The following PITPNC1 variants were observed in gnomAD, a reference collection of about 807,000 sequenced individuals.
PITPNC1 encodes phosphatidylinositol transfer protein cytoplasmic 1, also known as cytoplasmic phosphatidylinositol transfer protein 1.
In PITPNC1, 18 loss-of-function variants were observed where a neutral mutation model predicts 44.7. That is an observed-to-expected ratio of 0.40 (90% confidence interval 0.28 to 0.60). The LOEUF is 0.60. Ranked by LOEUF, PITPNC1 falls within the 20% of genes least tolerant of loss-of-function variation. The pLI is 0.39. For missense variants in PITPNC1, 290 were observed against 418.4 expected (o/e 0.69, Z 2.68); for synonymous variants, 141 against 149.6 (o/e 0.94, Z 0.42).
At chr17:67,572,018 A>ATATGC (rs759118497) in intron 4 of PITPNC1, among the ~76,000 whole-genome samples, 1 of 152,216 alleles carries the variant, frequency 6.6e-6, no homozygotes, top group Non-Finnish European at 1.5e-5. Context: ...TCTTTCCTTC[A>ATATGC]TATGCTGTGG....
chr17:67,513,247 C>T (rs1198422079), intron 1 of PITPNC1, among the ~76,000 whole-genome samples: 1 of 151,568 alleles, frequency 6.6e-6, no homozygotes, highest in East Asian at 1.9e-4. Flanking sequence ...GACTGTAATC[C>T]CAGCTACTCG....
chr17:67,378,149 A>T lies in PITPNC1; in HGVS notation c.-6A>T, dbSNP rs534235557. On this transcript the variant is annotated 5_prime_UTR_variant, in exon 1 of 9. Coordinates refer to ENST00000581322, the MANE Select transcript of PITPNC1 (RefSeq NM_012417.4). Reference sequence around the variant, plus strand: ...CCCGCCCCGGGGGTCCGCGGCCGGCAGGACCATGCTGCTGAAAGAGTACCG... The same window carrying T: ...CCCGCCCCGGGGGTCCGCGGCCGGCTGGACCATGCTGCTGAAAGAGTACCG... 1,019 of 1,537,122 alleles carry T rather than the reference A, an allele frequency of 6.6e-4. 3 individuals are homozygous for T. The highest frequency in any genetic ancestry group is 7.9e-4 in the Admixed American group (39 of 49,670).
In PITPNC1 at chr17:67,548,289, C is replaced by A. The variant is rs867681944; in HGVS notation, c.198-3968C>A. 7.9e-5 allele frequency among the ~76,000 whole-genome samples: 12 copies of A among 152,276 alleles called. No individual in the cohort carries two copies. The South Asian group carries it at 2.3e-3, about 29-fold the overall frequency. On this transcript the variant is annotated intron_variant, in intron 2 of 8. Coordinates refer to ENST00000581322, the MANE Select transcript of PITPNC1 (RefSeq NM_012417.4). ...ATTGATATGTTCTATTTTATACCAA[C>A]GTTTAAAAGTAAGAACCCGGGCTGG... is the stretch of plus-strand genomic sequence containing the variant.
intron 1 of PITPNC1, among the ~76,000 whole-genome samples, chr17:67,403,747 C>T (rs144587875): frequency 6.6e-6 from 1 of 152,090 alleles, no homozygotes; most frequent in Non-Finnish European, 1.5e-5. Context: ...CTTGGACTGG[C>T]GTTATGTCTC....
intron 6 of PITPNC1, among the ~76,000 whole-genome samples, chr17:67,650,574 G>T (rs1037005018): frequency 6.7e-6 from 1 of 148,266 alleles, no homozygotes; most frequent in Non-Finnish European, 1.5e-5. Flanking sequence ...TCAGCCTCCT[G>T]AGTAGCTGGG....
intron 5 of PITPNC1, among the ~76,000 whole-genome samples, chr17:67,625,785 C>T (rs2041888562): frequency 6.6e-6 from 1 of 152,088 alleles, no homozygotes; most frequent in East Asian, 1.9e-4. Flanking sequence ...ACACCACAGG[C>T]TTTTTAACTG....
At chr17:67,420,837 C>G (rs911274460) in intron 1 of PITPNC1, among the ~76,000 whole-genome samples, 1 of 152,200 alleles carries the variant, frequency 6.6e-6, no homozygotes, top group East Asian at 1.9e-4. Flanking sequence ...GACTTACTTT[C>G]CAGTGTTTCT....
chr17:67,542,308 A>G (rs1224795612), intron 2 of PITPNC1, among the ~76,000 whole-genome samples: 1 of 152,182 alleles, frequency 6.6e-6, no homozygotes, highest in Non-Finnish European at 1.5e-5. Flanking sequence ...AAAGAAAAAA[A>G]TTGACAGAAT....
At chr17:67,677,994 C>G (rs2144421729) in intron 8 of PITPNC1, among the ~76,000 whole-genome samples, 2 of 152,078 alleles carry the variant, frequency 1.3e-5, no homozygotes, top group East Asian at 3.9e-4. Context: ...TGGAGGATCA[C>G]TTGAGCCCAG....
At chr17:67,513,287 C>G (rs1232046071) in intron 1 of PITPNC1, among the ~76,000 whole-genome samples, 3 of 151,448 alleles carry the variant, frequency 2.0e-5, no homozygotes, top group Admixed American at 6.6e-5. Context: ...TAGCTTGAAC[C>G]CAGGAGGCAA....
intron 1 of PITPNC1, among the ~76,000 whole-genome samples, chr17:67,476,395 C>T (rs1462923058): frequency 2.0e-5 from 3 of 152,070 alleles, no homozygotes; most frequent in African/African-American, 7.2e-5. Flanking sequence ...CCATGTTGGC[C>T]AGGCTGGTCT....
At chr17:67,692,490 T>C in intron 8 of PITPNC1, 82 bp from the exon 9 acceptor site, 1 of 963,284 alleles carries the variant, frequency 1.0e-6, no homozygotes, top group South Asian at 1.5e-5. Flanking sequence ...CCATAGTTCC[T>C]GTAAAAACAA....
At chr17:67,583,711 T>C (rs2041266897) in intron 5 of PITPNC1, among the ~76,000 whole-genome samples, 1 of 151,252 alleles carries the variant, frequency 6.6e-6, no homozygotes, top group Admixed American at 6.6e-5. Context: ...TTTTTTTTTT[T>C]TGAGATGGAG....
intron 7 of PITPNC1, among the ~76,000 whole-genome samples, chr17:67,674,516 A>T (rs1268917799): frequency 2.6e-5 from 4 of 151,362 alleles, no homozygotes; most frequent in African/African-American, 9.7e-5. Context: ...AAAAAAAAAA[A>T]TCAGTATTTA....
chr17:67,399,311 C>A (rs1036841151), intron 1 of PITPNC1, among the ~76,000 whole-genome samples: 2 of 152,206 alleles, frequency 1.3e-5, no homozygotes, highest in Admixed American at 6.5e-5. Flanking sequence ...CTGTGCCTGT[C>A]AGAGGGTAAA....
intron 6 of PITPNC1, among the ~76,000 whole-genome samples, chr17:67,633,796 G>GC (rs1052633273): frequency 1.3e-5 from 2 of 152,260 alleles, no homozygotes; most frequent in East Asian, 1.9e-4. Flanking sequence ...GACGCCTCGG[G>GC]CCCCCCCGGG....
chr17:67,477,060 C>T (rs899193818), intron 1 of PITPNC1, among the ~76,000 whole-genome samples: 1 of 152,042 alleles, frequency 6.6e-6, no homozygotes, highest in Non-Finnish European at 1.5e-5. Context: ...CAGTGCTATC[C>T]ATTGGTGTCT....
chr17:67,590,186 A>G lies in PITPNC1; in HGVS notation c.366+11929A>G, dbSNP rs190404455. 1.8e-3 allele frequency among the ~76,000 whole-genome samples: 280 copies of G among 152,268 alleles called. 2 individuals are homozygous for G. The highest frequency in any genetic ancestry group is 6.5e-3 in the African/African-American group (270 of 41,558). On this transcript the variant is annotated intron_variant, in intron 5 of 8. Coordinates refer to ENST00000581322, the MANE Select transcript of PITPNC1 (RefSeq NM_012417.4). Reference sequence around the variant, plus strand: ...TCAAAAATAATGAAACCAAATCAACAGGGATTAGGCAGGGGGTTGGTGGGG... The same window carrying G: ...TCAAAAATAATGAAACCAAATCAACGGGGATTAGGCAGGGGGTTGGTGGGG...
intron 1 of PITPNC1, among the ~76,000 whole-genome samples, chr17:67,388,392 G>T (rs1256139308): frequency 4.2e-5 from 6 of 143,998 alleles, no homozygotes; most frequent in South Asian, 2.2e-4. Flanking sequence ...AGTTCTTTCA[G>T]CTCACTGCAA....
Sources: gnomAD v4.1 joint callset for allele counts (sites outside exome capture counted in the v4.1 genomes callset) on GRCh38, gnomAD v4.1.1 for gene constraint, MANE v1.5 for transcripts, NCBI Gene and HGNC (gene_info 2026-07-23, HGNC 2026-07-21) for gene names.